Variants in PACS2 observed in about 807,000 individuals in gnomAD.
PACS2 encodes the protein phosphofurin acidic cluster sorting protein 2, also known as PACS1-like protein.
Under a neutral mutation model 113.0 loss-of-function variants are expected in PACS2, and 36 were observed. The ratio of observed to expected loss-of-function variants is 0.32; its 90% CI spans 0.24 to 0.42. The LOEUF (loss-of-function observed/expected upper bound fraction) is 0.42, where lower values mean the gene tolerates loss of function less well. PACS2 is among the 10% of genes least tolerant of loss of function. The pLI is 1.00. For missense variants in PACS2, 1,015 were observed against 1,239.5 expected, an observed-to-expected ratio of 0.82 and a Z score of 2.72; for synonymous variants, 589 against 536.1, an observed-to-expected ratio of 1.10 and a Z score of -1.36.
upstream of PACS2, among the ~76,000 whole-genome samples, chr14:105,310,765 A>G (rs587692974): frequency 6.6e-6 from 1 of 152,314 alleles, no homozygotes; most frequent in African/African-American, 2.4e-5. Context: ...TCATGGAGAA[A>G]ATAGGAGATA....
rs782272711 is a variant in PACS2 at position 105,376,920 on chromosome 14, G to A, written c.954G>A (p.Lys318=). Residue 318 remains lysine, a synonymous_variant, in exon 9 of 25, where the codon AAG becomes AAA. Transcript: ENST00000447393. The surrounding 1 kb of genome is among the most constrained non-coding windows in gnomAD (Gnocchi z 4.7). ...GCGTCCTCAGCACCCCCAAGCCGAA[G>A]CTGCGGTGAGCCCTACAGGGCGGGG... The part of the protein sequence containing the change: ...DDSVLSTPKP[K]LRPYFEGLSH... 6.2e-7 allele frequency: 1 copy of A among 1,607,288 alleles called. No individual in the cohort carries two copies. The highest frequency in any genetic ancestry group is 1.1e-5 in the South Asian group (1 of 90,324).
rs1555413173 is a variant in PACS2 at position 105,384,889 on chromosome 14, G to A, written c.1902G>A (p.Thr634=). The stretch of plus-strand genomic sequence containing the variant: ...CTCCTCCCCCTGCAGTACAGGACAC[G>A]CCAGACATTGTGTCACGCATCACGC... ...KLEAQSAVQD[T]PDIVSRITQY... Residue 634 remains threonine, a synonymous_variant, in exon 18 of 25, where the codon ACG becomes ACA. Coordinates refer to ENST00000447393, the MANE Select transcript of PACS2 (RefSeq NM_001100913.3). 5.1e-6 allele frequency: 8 copies of A among 1,583,616 alleles called. No individual in the cohort carries two copies. The highest frequency in any genetic ancestry group is 1.7e-4 in the Middle Eastern group (1 of 6,028).
intron 1 of PACS2, among the ~76,000 whole-genome samples, chr14:105,347,436 G>C (rs2059983181): frequency 6.6e-6 from 1 of 152,180 alleles, no homozygotes; most frequent in Non-Finnish European, 1.5e-5. Flanking sequence ...CTGGTGGGTG[G>C]CTGCGTTCCA....
chr14:105,319,689 A>G (rs1409366395), intron 1 of PACS2, among the ~76,000 whole-genome samples: 1 of 152,160 alleles, frequency 6.6e-6, no homozygotes, highest in African/African-American at 2.4e-5. Context: ...TGACTGTGCC[A>G]GTTGTCATAG....
Position 105,348,618 on chromosome 14 carries a change from G to A in PACS2, c.207+38G>A. The A allele has an allele frequency of 6.9e-7, 1 of 1,439,024 alleles. No homozygotes were observed. Among genetic ancestry groups the A allele is most frequent in the Non-Finnish European group, 9.8e-7 (1 of 1,024,382 alleles). 89.1% of individuals were successfully genotyped at this position (1,439,024 alleles called of 1,614,324 possible). ...GTGACCCCGGCTGTGGCTGGGTGCT[G>A]TGTAGGCTTTCCATGTGCCTGGGAG... On this transcript the variant is annotated intron_variant, in intron 2 of 24. Transcript: ENST00000447393. This position sits in a 1 kb window ranked among gnomAD's most constrained non-coding sequence, Gnocchi z 6.4.
At chr14:105,387,479 G>A (rs1009726741) in intron 19 of PACS2, among the ~76,000 whole-genome samples, 13 of 152,218 alleles carry the variant, frequency 8.5e-5, no homozygotes, top group Non-Finnish European at 1.0e-4. Flanking sequence ...CCGTGCCCGC[G>A]GGGCCTCCCC....
chr14:105,302,119 A>C (rs2058052636), intron 1 of PACS2, among the ~76,000 whole-genome samples: 1 of 151,144 alleles, frequency 6.6e-6, no homozygotes. Flanking sequence ...AGCCTGGGTG[A>C]CGGGTGACAA....
chr14:105,355,409 G>C lies in PACS2; in HGVS notation c.423+232G>C, dbSNP rs1156670260. Reference sequence around the variant, plus strand: ...TAGCATGGCTCCCCGCATGCCTGCAGCCGCGCGCACTCCCCTCTAACGAGC... The same window carrying C: ...TAGCATGGCTCCCCGCATGCCTGCACCCGCGCGCACTCCCCTCTAACGAGC... On this transcript the variant is annotated intron_variant, in intron 4 of 24. Coordinates refer to ENST00000447393, the MANE Select transcript of PACS2 (RefSeq NM_001100913.3). This position sits in a 1 kb window ranked among gnomAD's most constrained non-coding sequence, Gnocchi z 4.1. 6.6e-6 allele frequency among the ~76,000 whole-genome samples: 1 copy of C among 152,262 alleles called. No homozygotes were observed. Among genetic ancestry groups the C allele is most frequent in the African/African-American group, 2.4e-5 (1 of 41,470 alleles).
intron 1 of PACS2, among the ~76,000 whole-genome samples, chr14:105,321,124 AT>A (rs145418738): frequency 6.6e-6 from 1 of 151,364 alleles, no homozygotes; most frequent in South Asian, 2.1e-4. Context: ...CTGCAAAAAC[AT>A]TTTTTTTTGA....
At chr14:105,367,021 C>A (rs995195378) in intron 4 of PACS2, among the ~76,000 whole-genome samples, 192 bp from the exon 5 acceptor site, 2 of 152,302 alleles carry the variant, frequency 1.3e-5, no homozygotes, top group Non-Finnish European at 2.9e-5. Context: ...GTCCTCCTCT[C>A]GTATCTGTCC....
chr14:105,331,399 G>A (rs747296217), intron 1 of PACS2, among the ~76,000 whole-genome samples: 6 of 152,132 alleles, frequency 3.9e-5, no homozygotes, highest in Non-Finnish European at 8.8e-5. Context: ...GGAAATTAAG[G>A]AAGGATCAAG....
In PACS2 at chr14:105,317,700, C is replaced by T. The variant is rs1442227512; in HGVS notation, c.119+2663C>T. The stretch of plus-strand genomic sequence containing the variant: ...TTCTCGGCTGTGTTGAGGATGTCCC[C>T]GTCCAGTTATGAGCGAGTCTTTGCT... On this transcript the variant is annotated intron_variant, in intron 1 of 24. Coordinates refer to ENST00000447393, the MANE Select transcript of PACS2 (RefSeq NM_001100913.3). The surrounding 1 kb of genome is among the most constrained non-coding windows in gnomAD (Gnocchi z 4.2). Among the ~76,000 whole-genome samples, 6 of 152,026 alleles carry T rather than the reference C, an allele frequency of 3.9e-5. No homozygotes were observed. Among genetic ancestry groups the T allele is most frequent in the Admixed American group, 6.6e-5 (1 of 15,256 alleles).
chr14:105,379,009 ATGGATGGTCTGGATAGGCC>A (rs1336767396), intron 9 of PACS2, among the ~76,000 whole-genome samples: 6 of 146,654 alleles, frequency 4.1e-5, no homozygotes, highest in Non-Finnish European at 7.5e-5. Context: ...CCGGAAAGGC[ATGGATGGTCTGGATAGGCC>A]TGGATGGTCG....
In PACS2 at chr14:105,354,160, TA is replaced by T. The variant is rs1410143458; in HGVS notation, c.298-887del. Among the ~76,000 whole-genome samples, 1 of 151,926 alleles carries T rather than the reference TA, an allele frequency of 6.6e-6. No individual in the cohort carries two copies. Among genetic ancestry groups the T allele is most frequent in the African/African-American group, 2.4e-5 (1 of 41,356 alleles). ...GTCAAGGCTATTTTGCTCTTCTATT[TA>T]AAAAGATAGGGGAAACTCAGAGTTC... On this transcript the variant is annotated intron_variant, in intron 3 of 24. Transcript: ENST00000447393. The surrounding 1 kb of genome is among the most constrained non-coding windows in gnomAD (Gnocchi z 4.2).
At chr14:105,339,716 G>T (rs1414180571) in intron 1 of PACS2, among the ~76,000 whole-genome samples, 3 of 151,256 alleles carry the variant, frequency 2.0e-5, no homozygotes, top group African/African-American at 4.9e-5. Context: ...AAAAAAAAAG[G>T]AATGGAGATG....
chr14:105,357,776 C>T lies in PACS2; in HGVS notation c.423+2599C>T, dbSNP rs970966958. ...GGGGCTTGCTGGCTCCGAGACTGCACGCCTGAGACGGGGGTGAGGGCATGG... is the reference window on the plus strand; with the variant it reads ...GGGGCTTGCTGGCTCCGAGACTGCATGCCTGAGACGGGGGTGAGGGCATGG... On this transcript the variant is annotated intron_variant, in intron 4 of 24. Transcript: ENST00000447393. The surrounding 1 kb of genome is among the most constrained non-coding windows in gnomAD (Gnocchi z 5.1). Among the ~76,000 whole-genome samples, 8 of 152,072 alleles carry T rather than the reference C, an allele frequency of 5.3e-5. No homozygotes were observed. Among genetic ancestry groups the T allele is most frequent in the African/African-American group, 1.2e-4 (5 of 41,408 alleles).
chr14:105,372,697 C>G (rs1332603949), intron 8 of PACS2: 2 of 152,170 alleles, frequency 1.3e-5, no homozygotes, highest in African/African-American at 4.8e-5. Flanking sequence ...GTCAGGAGAT[C>G]GAGACCATCC....
At position 105,380,119 on chromosome 14, in the gene PACS2, C is replaced by A; in HGVS notation, c.1090C>A (p.Gln364Lys). ...GAAGACGCGGTCCCTGGGAGGCAGG[C>A]AGCCGAGCGACAGTGTCTCTGACAC... ...PEKTRSLGGR[Q>K]PSDSVSDTVA... Residue 364 changes from glutamine (Q) to lysine (K), a missense_variant, in exon 11 of 25, where the codon CAG becomes AAG. Around this residue, in one of 3 missense-constraint regions of PACS2, gnomAD observed 859 missense variants for 1,056.8 expected, o/e 0.81. Coordinates refer to ENST00000447393, the MANE Select transcript of PACS2 (RefSeq NM_001100913.3). 1 of 1,553,010 alleles carries A rather than the reference C, an allele frequency of 6.4e-7. No homozygotes were observed. Among genetic ancestry groups the A allele is most frequent in the Non-Finnish European group, 8.7e-7 (1 of 1,148,050 alleles).
intron 1 of PACS2, among the ~76,000 whole-genome samples, chr14:105,322,223 C>A (rs2058922670): frequency 6.6e-6 from 1 of 151,158 alleles, no homozygotes; most frequent in South Asian, 2.1e-4. Context: ...GGCTGAGCCT[C>A]TGTGCCCGGC....
Sources: gnomAD v4.1 joint callset for allele counts (sites outside exome capture counted in the v4.1 genomes callset) on GRCh38, gnomAD v4.1.1 for gene constraint, gnomAD v4.1.1 regional missense constraint, Gnocchi (gnomAD v3.1) non-coding constraint, MANE v1.5 for transcripts, NCBI Gene and HGNC (gene_info 2026-07-23, HGNC 2026-07-21) for gene names.